Variants in FSTL5 observed in about 807,000 individuals in gnomAD.
FSTL5 encodes follistatin-related protein 5.
FSTL5 carries 62 observed loss-of-function variants against 89.1 expected under a neutral mutation model. The observed-to-expected ratio is 0.70, with a 90% CI of 0.57 to 0.86. The LOEUF (loss-of-function observed/expected upper bound fraction) is 0.86. FSTL5 is among the 40% of genes least tolerant of loss of function. FSTL5 has a pLI of 0.00. For missense variants in FSTL5, 1,057 were observed against 1,001.6 expected, an observed-to-expected ratio of 1.06 and a Z score of -0.75; for synonymous variants, 383 against 346.2, an observed-to-expected ratio of 1.11 and a Z score of -1.18.
chr4:161,603,367 G>A (rs1734319717), intron 7 of FSTL5, among the ~76,000 whole-genome samples: 1 of 152,230 alleles, frequency 6.6e-6, no homozygotes, highest in Non-Finnish European at 1.5e-5. Flanking sequence ...AGTCCCAATC[G>A]GATAGGATTA....
intron 15 of FSTL5, among the ~76,000 whole-genome samples, chr4:161,418,958 C>T (rs573666456): frequency 1.3e-5 from 2 of 152,254 alleles, no homozygotes; most frequent in African/African-American, 4.8e-5. Context: ...CTTCGGTTAG[C>T]CCATCTGCAG....
intron 4 of FSTL5, among the ~76,000 whole-genome samples, chr4:161,836,448 G>A (rs933209410): frequency 6.9e-6 from 1 of 144,012 alleles, no homozygotes; most frequent in Non-Finnish European, 1.5e-5. Flanking sequence ...AAAACTTAAA[G>A]TATAACAATA....
chr4:161,459,062 T>A (rs1326576321), intron 14 of FSTL5, 150 bp downstream of exon 14: 1 of 389,504 alleles, frequency 2.6e-6, no homozygotes, highest in Non-Finnish European at 4.2e-6. Flanking sequence ...GAATGCCAAC[T>A]TTTTTGCCTT....
At chr4:161,895,068 A>G (rs1249603862) in intron 4 of FSTL5, among the ~76,000 whole-genome samples, 1 of 152,158 alleles carries the variant, frequency 6.6e-6, no homozygotes, top group African/African-American at 2.4e-5. Flanking sequence ...GGTAGCTATT[A>G]TTGTTATCCA....
At chr4:162,104,732 A>G (rs909987964) in intron 2 of FSTL5, among the ~76,000 whole-genome samples, 5 of 152,070 alleles carry the variant, frequency 3.3e-5, no homozygotes, top group Non-Finnish European at 7.4e-5. Context: ...GTTTTCTATC[A>G]CTACTCATGA....
chr4:161,683,347 G>A (rs1737592266), intron 6 of FSTL5, among the ~76,000 whole-genome samples: 1 of 151,962 alleles, frequency 6.6e-6, no homozygotes, highest in Non-Finnish European at 1.5e-5. Flanking sequence ...TTGTTATGTG[G>A]TGGGTGATTT....
intron 2 of FSTL5, among the ~76,000 whole-genome samples, chr4:162,109,321 G>A (rs1191424951): frequency 6.6e-6 from 1 of 151,984 alleles, no homozygotes; most frequent in Non-Finnish European, 1.5e-5. Flanking sequence ...TACAACCCAG[G>A]ATTCCTAGTC....
At chr4:161,520,823 T>C (rs570842094) in intron 10 of FSTL5, among the ~76,000 whole-genome samples, 2 of 152,352 alleles carry the variant, frequency 1.3e-5, no homozygotes, top group African/African-American at 4.8e-5. Flanking sequence ...TGGCAGAATT[T>C]AGGATCTTGA....
At chr4:161,917,482 A>G (rs967779759) in intron 4 of FSTL5, among the ~76,000 whole-genome samples, 2 of 152,120 alleles carry the variant, frequency 1.3e-5, no homozygotes, top group Admixed American at 6.5e-5. Context: ...GTTTCTCTTA[A>G]AGATAATATT....
At chr4:162,046,090 A>G (rs1303119916) in intron 2 of FSTL5, among the ~76,000 whole-genome samples, 2 of 152,178 alleles carry the variant, frequency 1.3e-5, no homozygotes, top group Non-Finnish European at 2.9e-5. Flanking sequence ...TTGCCATTTT[A>G]GTAGGCTATT....
intron 6 of FSTL5, among the ~76,000 whole-genome samples, chr4:161,720,246 G>A (rs929464706): frequency 8.0e-5 from 12 of 149,784 alleles, no homozygotes; most frequent in Admixed American, 2.7e-4. Flanking sequence ...TACAAATAGC[G>A]TACAGATACA....
chr4:161,641,991 T>C (rs1735983761), intron 7 of FSTL5, among the ~76,000 whole-genome samples: 1 of 151,832 alleles, frequency 6.6e-6, no homozygotes, highest in African/African-American at 2.4e-5. Context: ...AATAGCAAAA[T>C]GAAAGAAATA....
At chr4:162,036,569 A>G (rs538351802) in intron 2 of FSTL5, among the ~76,000 whole-genome samples, 2 of 152,208 alleles carry the variant, frequency 1.3e-5, no homozygotes, top group South Asian at 2.1e-4. Flanking sequence ...TAGAACATAG[A>G]GTAGAACTCA....
intron 4 of FSTL5, among the ~76,000 whole-genome samples, chr4:161,838,520 G>A (rs1022482052): frequency 2.0e-5 from 3 of 152,094 alleles, no homozygotes; most frequent in South Asian, 2.1e-4. Context: ...TCCTGACCTC[G>A]TGATCCGCCT....
chr4:161,425,678 A>G (rs1732144076), intron 15 of FSTL5, among the ~76,000 whole-genome samples: 1 of 152,164 alleles, frequency 6.6e-6, no homozygotes, highest in African/African-American at 2.4e-5. Flanking sequence ...GTCTGAGGCA[A>G]TCTTAAGACC....
At chr4:162,045,361 T>C (rs1358876164) in intron 2 of FSTL5, among the ~76,000 whole-genome samples, 1 of 152,078 alleles carries the variant, frequency 6.6e-6, no homozygotes, top group Non-Finnish European at 1.5e-5. Context: ...AATTTCAATA[T>C]ATCATAAAGG....
chr4:161,893,084 TTAC>T (rs1019740344), intron 4 of FSTL5, among the ~76,000 whole-genome samples: 2 of 152,142 alleles, frequency 1.3e-5, no homozygotes, highest in African/African-American at 4.8e-5. Context: ...GTGCAGCCAT[TTAC>T]CATCTGGTTA....
intron 6 of FSTL5, among the ~76,000 whole-genome samples, chr4:161,717,489 C>T (rs1171380038): frequency 6.6e-6 from 1 of 152,144 alleles, no homozygotes; most frequent in African/African-American, 2.4e-5. Context: ...AATCATACCC[C>T]TTGCATAAAT....
At chr4:161,712,239 C>T (rs1414070867) in intron 6 of FSTL5, among the ~76,000 whole-genome samples, 5 of 151,950 alleles carry the variant, frequency 3.3e-5, no homozygotes, top group Admixed American at 6.6e-5. Context: ...TGAATTCGTA[C>T]ACTTCATATG....
Sources: gnomAD v4.1 joint callset for allele counts (sites outside exome capture counted in the v4.1 genomes callset) on GRCh38, gnomAD v4.1.1 for gene constraint, MANE v1.5 for transcripts, NCBI Gene and HGNC (gene_info 2026-07-23, HGNC 2026-07-21) for gene names.